The following PCBP3 variants were observed in gnomAD, a reference collection of about 807,000 sequenced individuals.
PCBP3 encodes poly(rC) binding protein 3.
A neutral mutation model predicts 52.7 loss-of-function variants in PCBP3; 25 were observed. That is an observed-to-expected ratio of 0.47 (90% CI 0.35 to 0.66). The LOEUF (loss-of-function observed/expected upper bound fraction) is 0.66. Among genes scored for constraint, PCBP3 ranks in the 30% least tolerant of loss-of-function variants. PCBP3 has a pLI of 0.01. For synonymous variants in PCBP3, 162 were observed against 183.0 expected, an observed-to-expected ratio of 0.89 and a Z score of 0.93; for missense variants, 391 against 490.3, an observed-to-expected ratio of 0.80 and a Z score of 1.91.
chr21:45,896,765 A>G (rs1379228455), intron 6 of PCBP3, among the ~76,000 whole-genome samples: 1 of 149,132 alleles, frequency 6.7e-6, no homozygotes, highest in Non-Finnish European at 1.5e-5. Flanking sequence ...CATGGCACAT[A>G]GAACCGGAGA....
At chr21:45,938,705 C>T (rs2077138540) in intron 16 of PCBP3, among the ~76,000 whole-genome samples, 1 of 152,162 alleles carries the variant, frequency 6.6e-6, no homozygotes, top group Non-Finnish European at 1.5e-5. Flanking sequence ...ATAGAAGACT[C>T]CCAGCAGCCC....
intron 2 of PCBP3, among the ~76,000 whole-genome samples, chr21:45,701,912 TAGTG>T (rs893773806): frequency 2.8e-4 from 43 of 152,312 alleles, no homozygotes; most frequent in African/African-American, 6.5e-4. Context: ...AAAAATAAAT[TAGTG>T]AGGAGAATTT....
chr21:45,796,804 C>G (rs990772085), intron 4 of PCBP3, among the ~76,000 whole-genome samples: 1 of 151,986 alleles, frequency 6.6e-6, no homozygotes, highest in Non-Finnish European at 1.5e-5. Context: ...TTTCTTTTGT[C>G]TTTTAAAAAA....
intron 2 of PCBP3, among the ~76,000 whole-genome samples, chr21:45,675,139 G>C (rs2081388349): frequency 6.6e-6 from 1 of 152,186 alleles, no homozygotes; most frequent in African/African-American, 2.4e-5. Context: ...GTGCTTTGCA[G>C]GACTTACTGA....
intron 4 of PCBP3, among the ~76,000 whole-genome samples, chr21:45,782,195 C>T (rs78479534): frequency 0.012 from 1,754 of 151,788 alleles, 51 homozygotes; most frequent in African/African-American, 0.04. Flanking sequence ...AAGTGAAAGA[C>T]GAGATAAAAA....
At chr21:45,934,954 A>C (rs2076721133) in intron 15 of PCBP3, among the ~76,000 whole-genome samples, 1 of 152,246 alleles carries the variant, frequency 6.6e-6, no homozygotes, top group South Asian at 2.1e-4. Flanking sequence ...AAGGTGTCAC[A>C]AGAGAGTATA....
At chr21:45,768,371 A>G (rs1183619145) in intron 4 of PCBP3, among the ~76,000 whole-genome samples, 2 of 152,248 alleles carry the variant, frequency 1.3e-5, no homozygotes, top group East Asian at 1.9e-4. Context: ...TTTTGCTTAC[A>G]GTAAATTCCT....
intron 4 of PCBP3, among the ~76,000 whole-genome samples, chr21:45,843,108 C>T (rs1305499502): frequency 6.6e-6 from 1 of 150,754 alleles, no homozygotes; most frequent in East Asian, 1.9e-4. Flanking sequence ...TGTCATTCTC[C>T]AAATCCCAAG....
Position 45,800,980 on chromosome 21 carries a change from G to A in PCBP3, c.-126+45528G>A, listed in dbSNP as rs1005452873. On this transcript the variant is annotated intron_variant, in intron 4 of 17. Transcript: ENST00000681687. This position sits in a 1 kb window ranked among gnomAD's most constrained non-coding sequence, Gnocchi z 5.3. ...CTCCAGGACTTGTTGCCCGTTCTGC[G>A]TGGCCACCCGTTCTTGCCAGCATGC... Among the ~76,000 whole-genome samples the A allele has an allele frequency of 3.9e-5, 6 of 152,182 alleles. No individual in the cohort carries two copies. The highest frequency in any genetic ancestry group is 2.1e-4 in the South Asian group (1 of 4,830).
chr21:45,917,232 C>A lies in PCBP3; in HGVS notation c.676-356C>A. Reference sequence around the variant, plus strand: ...TTCCCAAAAGTATTTACTCAGATGACTGATTAAATTTTCAAAACCGTAATA... The same window carrying A: ...TTCCCAAAAGTATTTACTCAGATGAATGATTAAATTTTCAAAACCGTAATA... On this transcript the variant is annotated intron_variant, in intron 12 of 17. Transcript: ENST00000681687. This position sits in a 1 kb window ranked among gnomAD's most constrained non-coding sequence, Gnocchi z 5.3. 1 of 245,360 alleles carries A rather than the reference C, an allele frequency of 4.1e-6. No individual in the cohort carries two copies. Among genetic ancestry groups the A allele is most frequent in the Non-Finnish European group, 7.7e-6 (1 of 129,164 alleles). 15.2% of individuals were successfully genotyped at this position (245,360 alleles called of 1,614,324 possible). A position where few individuals can be genotyped will look rare whatever the true frequency, so the allele number is the denominator to read the frequency against.
chr21:45,784,060 AAGC>A (rs1351110651), intron 4 of PCBP3, among the ~76,000 whole-genome samples: 4 of 152,200 alleles, frequency 2.6e-5, no homozygotes, highest in African/African-American at 4.8e-5. Context: ...TGAATAGTGT[AAGC>A]AGTGGTGTGA....
intron 1 of PCBP3, among the ~76,000 whole-genome samples, chr21:45,647,342 C>T (rs1433593212): frequency 6.6e-6 from 1 of 152,134 alleles, no homozygotes; most frequent in East Asian, 1.9e-4. Flanking sequence ...ATCTGGGAAC[C>T]CATGAGGGAA....
At chr21:45,796,119 T>C (rs2091909628) in intron 4 of PCBP3, among the ~76,000 whole-genome samples, 1 of 152,212 alleles carries the variant, frequency 6.6e-6, no homozygotes. Context: ...GGTTTCAGCA[T>C]GTCCCAAAGG....
intron 7 of PCBP3, among the ~76,000 whole-genome samples, chr21:45,900,086 GC>G (rs969182933): frequency 4.6e-5 from 7 of 152,316 alleles, no homozygotes; most frequent in Middle Eastern, 3.4e-3. Flanking sequence ...AGCAGTGAGG[GC>G]CACCTCCCTG....
chr21:45,849,983 GTCAACCCTTCTGTAAA>G lies in PCBP3; in HGVS notation c.-99_-84del. The G allele has an allele frequency of 8.6e-7, 1 of 1,161,488 alleles. No individual in the cohort carries two copies. The allele number at this position is 1,161,488 out of a possible 1,614,324, so 71.9% of individuals were successfully genotyped here. A position where few individuals can be genotyped will look rare whatever the true frequency, so the allele number is the denominator to read the frequency against. The stretch of plus-strand genomic sequence containing the variant: ...TAGGTCGGTAGGCTCCACGACAAAA[GTCAACCCTTCTGTAAA>G]TCACCTGCTGTGGTTATGATGCTCT... On this transcript the variant is annotated 5_prime_UTR_variant, in exon 5 of 18. The change creates a premature stop within an existing upstream ORF in the 5' untranslated region. Transcript: ENST00000681687.
intron 1 of PCBP3, among the ~76,000 whole-genome samples, chr21:45,662,939 T>C (rs915806865): frequency 2.6e-5 from 4 of 152,056 alleles, no homozygotes; most frequent in South Asian, 2.1e-4. Flanking sequence ...TAGAAAAGAC[T>C]CTACTACACC....
intron 1 of PCBP3, among the ~76,000 whole-genome samples, chr21:45,654,808 TA>T (rs2079911495): frequency 6.6e-6 from 1 of 152,246 alleles, no homozygotes; most frequent in African/African-American, 2.4e-5. Context: ...CAACTGTCAT[TA>T]CTACATAATT....
In PCBP3 at chr21:45,802,092, C is replaced by T. The variant is rs1018440753; in HGVS notation, c.-126+46640C>T. ...AGTGACTTCTGGGCTGGGTGGTTAG[C>T]GGGGCTCCCTCCTTTACCCTCAGAC... On this transcript the variant is annotated intron_variant, in intron 4 of 17. Coordinates refer to ENST00000681687, the MANE Select transcript of PCBP3 (RefSeq NM_001384156.1). The surrounding 1 kb of genome is among the most constrained non-coding windows in gnomAD (Gnocchi z 5.1). Among the ~76,000 whole-genome samples, 2 of 152,164 alleles carry T rather than the reference C, an allele frequency of 1.3e-5. No homozygotes were observed. Among genetic ancestry groups the T allele is most frequent in the African/African-American group, 4.8e-5 (2 of 41,430 alleles).
chr21:45,704,494 C>T lies in PCBP3; in HGVS notation c.-199-30898C>T, dbSNP rs1211930657. ...GTCTGCCCCCATTTTCCTGCTCTCC[C>T]CTGGCAGAGGCGCCCCAGGGGGCTC... On this transcript the variant is annotated intron_variant, in intron 2 of 17. Transcript: ENST00000681687. This position sits in a 1 kb window ranked among gnomAD's most constrained non-coding sequence, Gnocchi z 4.1. Among the ~76,000 whole-genome samples the T allele has an allele frequency of 1.3e-5, 2 of 152,148 alleles. No homozygotes were observed. Among genetic ancestry groups the T allele is most frequent in the East Asian group, 3.9e-4 (2 of 5,188 alleles).
Sources: gnomAD v4.1 joint callset for allele counts (sites outside exome capture counted in the v4.1 genomes callset) on GRCh38, gnomAD v4.1.1 for gene constraint, Gnocchi (gnomAD v3.1) non-coding constraint, MANE v1.5 for transcripts, NCBI Gene and HGNC (gene_info 2026-07-23, HGNC 2026-07-21) for gene names.